The following DCTPP1 variants were observed in gnomAD, a reference collection of about 807,000 sequenced individuals.
DCTPP1 encodes the protein XTP3-transactivated gene A protein.
DCTPP1 carries 8 observed loss-of-function variants against 8.8 expected under a neutral mutation model. The ratio of observed to expected loss-of-function variants is 0.91; its 90% CI spans 0.54 to 1.64. The LOEUF (loss-of-function observed/expected upper bound fraction) is 1.64, where lower values mean the gene tolerates loss of function less well. Among genes scored for constraint, DCTPP1 ranks in the 40% most tolerant of loss-of-function variants. DCTPP1 has a pLI of 0.00. For synonymous variants in DCTPP1, 85 were observed against 92.1 expected, an observed-to-expected ratio of 0.92 and a Z score of 0.44; for missense variants, 231 against 230.4, an observed-to-expected ratio of 1.00 and a Z score of -0.02.
chr16:30,429,874 G>T lies in DCTPP1; in HGVS notation c.101+6C>A. The T allele has an allele frequency of 6.3e-7, 1 of 1,598,446 alleles. No individual in the cohort carries two copies. Among genetic ancestry groups the T allele is most frequent in the Non-Finnish European group, 8.5e-7 (1 of 1,173,194 alleles). On this transcript the variant is annotated splice_donor_region_variant and intron_variant, in intron 1 of 2. Coordinates refer to ENST00000319285, the MANE Select transcript of DCTPP1 (RefSeq NM_024096.2). Reference sequence around the variant, plus strand: ...CCCCACCCCGAGCTGGGCCAGGCCTGCTTACATGTCCTCGAGCGTGGGCTC... The same window carrying T: ...CCCCACCCCGAGCTGGGCCAGGCCTTCTTACATGTCCTCGAGCGTGGGCTC...
intron 2 of DCTPP1, among the ~76,000 whole-genome samples, chr16:30,427,222 G>C (rs1166830263): frequency 6.7e-6 from 1 of 149,340 alleles, no homozygotes; most frequent in Non-Finnish European, 1.5e-5. Flanking sequence ...GTGTTAGCCA[G>C]GATGGTCTTG....
rs148049786 is a variant in DCTPP1 at position 30,429,246 on chromosome 16, A to G, written c.102-79T>C. The G allele has an allele frequency of 1.3e-4, 185 of 1,427,004 alleles. No homozygotes were observed. In the African/African-American group the frequency reaches 2.2e-3, roughly 17 times the overall value. The allele number at this position is 1,427,004 out of a possible 1,614,324, so 88.4% of individuals were successfully genotyped here. On this transcript the variant is annotated intron_variant, in intron 1 of 2. Transcript: ENST00000319285. ...AGGGGCCAGAGGCAGCTACCCCCGT[A>G]GTATGTAATGGGGCCTGGGACCAGG...
chr16:30,429,093 G>A lies in DCTPP1; in HGVS notation c.176C>T (p.Ala59Val). The A allele has an allele frequency of 1.2e-6, 2 of 1,613,806 alleles. No homozygotes were observed. The highest frequency in any genetic ancestry group is 1.1e-5 in the South Asian group (1 of 91,000). ...QFHQPRNLLL[A>V]LVGEVGELAE... is the part of the protein sequence containing the mutation. ...CAGCTCCCCCACTTCCCCAACCAAGGCCAGGAGGAGATTCCGAGGCTGATG... is the reference window on the plus strand; with the variant it reads ...CAGCTCCCCCACTTCCCCAACCAAGACCAGGAGGAGATTCCGAGGCTGATG... Residue 59 changes from alanine (A) to valine (V), a missense_variant, in exon 2 of 3, where the codon GCC becomes GTC. Transcript: ENST00000319285.
chr16:30,426,946 C>G (rs1370934133), intron 2 of DCTPP1, among the ~76,000 whole-genome samples: 2 of 151,440 alleles, frequency 1.3e-5, no homozygotes, highest in Non-Finnish European at 2.9e-5. Context: ...GGTGATCTGC[C>G]TGCCTCGGCC....
chr16:30,429,853 A>G, intron 1 of DCTPP1, 27 bp downstream of exon 1: 1 of 1,577,038 alleles, frequency 6.3e-7, no homozygotes. Context: ...CGACTTCCCC[A>G]CCCCGAGCTG....
At position 30,429,921 on chromosome 16, in the gene DCTPP1, G is replaced by A. The variant is rs1366873905; in HGVS notation, c.60C>T (p.Pro20=). ...GCTCCGGGCTGAAGCTGAACCGGCC[G>A]GGAGCAGCAGTGTCCTCTCCCCCCG... The part of the protein sequence containing the change: ...GDTGGEDTAA[P]GRFSFSPEPT... The change falls in exon 1 of 3, where the codon CCC becomes CCT. Residue 20 remains proline (P), a synonymous_variant. Coordinates refer to ENST00000319285, the MANE Select transcript of DCTPP1 (RefSeq NM_024096.2). 3.8e-6 allele frequency: 6 copies of A among 1,593,606 alleles called. No homozygotes were observed. Among genetic ancestry groups the A allele is most frequent in the Middle Eastern group, 1.7e-4 (1 of 6,010 alleles).
intron 2 of DCTPP1, 114 bp downstream of exon 2, chr16:30,428,942 AG>A: frequency 8.8e-7 from 1 of 1,133,884 alleles, no homozygotes; most frequent in Admixed American, 2.4e-5. Flanking sequence ...ACAACAGCAA[AG>A]AGCCTAGCAA....
In DCTPP1 at chr16:30,429,988, AC is replaced by A. The variant is rs925661315; in HGVS notation, c.-9del. The A allele has an allele frequency of 2.7e-6, 4 of 1,497,446 alleles. No individual in the cohort carries two copies. Among genetic ancestry groups the A allele is most frequent in the Non-Finnish European group, 3.6e-6 (4 of 1,123,798 alleles). The allele number at this position is 1,497,446 out of a possible 1,614,324, so 92.8% of individuals were successfully genotyped here. On this transcript the variant is annotated 5_prime_UTR_variant, in exon 1 of 3. Transcript: ENST00000319285. ...CCCACCGGCCACAGACATGCCGCCC[AC>A]CGCTGCACCGCGACTTCACGGAAAA... is the stretch of plus-strand genomic sequence containing the variant.
intron 2 of DCTPP1, among the ~76,000 whole-genome samples, chr16:30,426,564 C>T (rs925787834): frequency 1.7e-4 from 26 of 151,610 alleles, no homozygotes; most frequent in African/African-American, 2.4e-4. Context: ...CTCTGCCTCC[C>T]GGATTCAAGC....
At chr16:30,424,599 T>C (rs1237738147) in intron 2 of DCTPP1, 66 bp from the exon 3 acceptor site, 2 of 1,562,308 alleles carry the variant, frequency 1.3e-6, no homozygotes, top group Non-Finnish European at 1.7e-6. Context: ...CTGCCAGTCC[T>C]TGCAGTAATA....
chr16:30,428,954 T>C (rs1802998968), intron 2 of DCTPP1, 103 bp downstream of exon 2: 1 of 1,233,852 alleles, frequency 8.1e-7, no homozygotes, highest in African/African-American at 1.5e-5. Context: ...AGCCTAGCAA[T>C]CAGGAGGGGA....
intron 2 of DCTPP1, chr16:30,428,796 A>G: frequency 2.4e-6 from 1 of 416,520 alleles, no homozygotes; most frequent in Non-Finnish European, 4.2e-6. Flanking sequence ...AAAAAACAAA[A>G]GAAGGGAAAA....
chr16:30,426,486 T>TC (rs1395864346), intron 2 of DCTPP1, among the ~76,000 whole-genome samples: 1 of 147,702 alleles, frequency 6.8e-6, no homozygotes, highest in Non-Finnish European at 1.5e-5. Context: ...GTTTTTTTTT[T>TC]TTTTTGAGAC....
At position 30,423,989 on chromosome 16, in the gene DCTPP1, C is replaced by T. The variant is rs57034532; in HGVS notation, c.*244G>A. ...GGCACCCCTGGTACCCCCGTCATCA[C>T]CTGCTGAGACAGAGAGCCTCCCTGG... On this transcript the variant is annotated 3_prime_UTR_variant, in exon 3 of 3. Coordinates refer to ENST00000319285, the MANE Select transcript of DCTPP1 (RefSeq NM_024096.2). The T allele has an allele frequency of 5.7e-5, 30 of 529,692 alleles. No individual in the cohort carries two copies. The highest frequency in any genetic ancestry group is 8.3e-5 in the Non-Finnish European group (25 of 301,812). The allele number at this position is 529,692 out of a possible 1,614,324, so 32.8% of individuals were successfully genotyped here.
At chr16:30,425,765 C>T (rs76272666) in intron 2 of DCTPP1, among the ~76,000 whole-genome samples, 2,213 of 152,270 alleles carry the variant, frequency 0.015, 48 homozygotes, top group African/African-American at 0.051. Flanking sequence ...TGCAGTGACC[C>T]GCCATGACGC....
Position 30,424,119 on chromosome 16 carries a change from G to A in DCTPP1, c.*114C>T. 4.7e-6 allele frequency: 6 copies of A among 1,285,546 alleles called. No individual in the cohort carries two copies. Among genetic ancestry groups the A allele is most frequent in the Non-Finnish European group, 6.3e-6 (6 of 954,232 alleles). The allele number at this position is 1,285,546 out of a possible 1,614,324, so 79.6% of individuals were successfully genotyped here. The stretch of plus-strand genomic sequence containing the variant: ...GCTGCTGGGCCTCAGACCTCAAGAA[G>A]TGGAGGCCTCAGGCCCATGATCTAT... On this transcript the variant is annotated 3_prime_UTR_variant, in exon 3 of 3. Transcript: ENST00000319285.
At position 30,429,073 on chromosome 16, in the gene DCTPP1, C is replaced by T. The variant is rs551316027; in HGVS notation, c.196G>A (p.Glu66Lys). 7.4e-6 allele frequency: 12 copies of T among 1,613,598 alleles called. No individual in the cohort carries two copies. The South Asian group carries it at 1.3e-4, about 18-fold the overall frequency. Residue 66 changes from glutamate to lysine, a missense_variant, in exon 2 of 3, where the codon GAG becomes AAG. Transcript: ENST00000319285. The stretch of plus-strand genomic sequence containing the variant: ...TCTACTCACAAGAGTTCTGCCAGCT[C>T]CCCCACTTCCCCAACCAAGGCCAGG... Reference protein sequence around the residue: ...LLLALVGEVGELAELFQWKTD... With the variant: ...LLLALVGEVGKLAELFQWKTD...
chr16:30,426,476 G>GTT (rs35240032), intron 2 of DCTPP1, among the ~76,000 whole-genome samples: 624 of 138,636 alleles, frequency 4.5e-3, no homozygotes, highest in East Asian at 7.7e-3. Context: ...CACCTGGCCG[G>GTT]TTTTTTTTTT....
intron 1 of DCTPP1, chr16:30,429,656 T>C: frequency 1.9e-6 from 1 of 523,902 alleles, no homozygotes; most frequent in Non-Finnish European, 3.3e-6. Flanking sequence ...CTGAAGGGCG[T>C]TCCTAGTTAC....
Sources: allele counts gnomAD v4.1 joint callset (sites outside exome capture counted in the v4.1 genomes callset), GRCh38; gene constraint gnomAD v4.1.1; transcripts MANE v1.5; gene names NCBI Gene and HGNC (gene_info 2026-07-23, HGNC 2026-07-21).